The following EXPH5 variants were observed in gnomAD, a reference collection of about 807,000 sequenced individuals.
EXPH5 encodes the protein exophilin-5.
In EXPH5, 42 loss-of-function variants were observed where a neutral mutation model predicts 41.1. The ratio of observed to expected loss-of-function variants is 1.02; its 90% confidence interval spans 0.80 to 1.32. The LOEUF (loss-of-function observed/expected upper bound fraction) is 1.32. Among genes scored for constraint, EXPH5 ranks in the 40% most tolerant of loss-of-function variants. EXPH5 has a pLI of 0.00. For synonymous variants in EXPH5, 798 were observed against 833.5 expected (o/e 0.96, Z 0.73); for missense variants, 2,298 against 2,314.5 (o/e 0.99, Z 0.15).
upstream of EXPH5, among the ~76,000 whole-genome samples, chr11:108,594,155 G>T (rs576832759): frequency 6.6e-6 from 1 of 152,266 alleles, no homozygotes; most frequent in African/African-American, 2.4e-5. Context: ...AGACCAGGAA[G>T]AACTAAACTC....
chr11:108,601,694 TCTCC>T, the EXPH5 span, among the ~76,000 whole-genome samples: 1 of 152,102 alleles, frequency 6.6e-6, no homozygotes, highest in African/African-American at 2.4e-5. Flanking sequence ...CTTTCTTTTC[TCTCC>T]CTCCCTCCCT....
intron 1 of EXPH5, 117 bp from the exon 2 acceptor site, chr11:108,541,929 G>A (rs912446239): frequency 3.9e-6 from 3 of 776,496 alleles, no homozygotes; most frequent in Non-Finnish European, 5.9e-6. Flanking sequence ...CCAGGCTGGA[G>A]TGCAGTGGCA....
At position 108,513,391 on chromosome 11, in the gene EXPH5, A is replaced by G; in HGVS notation, c.2116T>C (p.Ser706Pro). 3 of 1,613,940 alleles carry G rather than the reference A, an allele frequency of 1.9e-6. No homozygotes were observed. Among genetic ancestry groups the G allele is most frequent in the Non-Finnish European group, 2.5e-6 (3 of 1,179,956 alleles). Residue 706 changes from serine (S) to proline (P), a missense_variant, in exon 6 of 6, where the codon TCT becomes CCT. Ser to Pro is a moderately conservative substitution (Grantham distance 74, BLOSUM62 -1). Coordinates refer to ENST00000265843, the MANE Select transcript of EXPH5 (RefSeq NM_015065.3). ...AGCTGTTTGTCTTCTTCTGAAATAG[A>G]TTCATTTAAGTCTTTCTCATTATTT... ...EVNNEKDLNE[S>P]ISEEDKQLSK...
rs754403186 is a variant in EXPH5 at position 108,509,674 on chromosome 11, C to A, written c.5833G>T (p.Val1945Leu). The change falls in exon 6 of 6, where the codon GTG (valine) becomes TTG (leucine). Residue 1945 changes from valine to leucine, a missense_variant. Transcript: ENST00000265843. ...SLSSNSPSSQ[V>L]PEDGLSPSEP... ...CTTGGAGATAAGCCATCTTCTGGCA[C>A]CTGACTACTGGGAGAATTTGAGCTT... The A allele has an allele frequency of 2.5e-6, 4 of 1,613,934 alleles. No individual in the cohort carries two copies. In the South Asian group the frequency reaches 3.3e-5, roughly 13 times the overall value.
At chr11:108,600,643 G>A in the EXPH5 span, among the ~76,000 whole-genome samples, 1 of 152,000 alleles carries the variant, frequency 6.6e-6, no homozygotes, top group Non-Finnish European at 1.5e-5. Flanking sequence ...ACCAATGAAG[G>A]CCTTCAGAAC....
At position 108,513,647 on chromosome 11, in the gene EXPH5, A is replaced by C; in HGVS notation, c.1860T>G (p.Ala620=). 2 of 1,611,982 alleles carry C rather than the reference A, an allele frequency of 1.2e-6. No individual in the cohort carries two copies. The highest frequency in any genetic ancestry group is 1.7e-6 in the Non-Finnish European group (2 of 1,179,242). Residue 620 remains alanine (A), a synonymous_variant, in exon 6 of 6, where the codon GCT becomes GCG. Coordinates refer to ENST00000265843, the MANE Select transcript of EXPH5 (RefSeq NM_015065.3). ...TTTTGAATGAGGATGCTAGAGTCTGAGCAATTCCAAATGAGGAAGCTTCTT... is the reference window on the plus strand; with the variant it reads ...TTTTGAATGAGGATGCTAGAGTCTGCGCAATTCCAAATGAGGAAGCTTCTT... ...INKEASSFGI[A]QTLASSFKTS...
intron 1 of EXPH5, among the ~76,000 whole-genome samples, chr11:108,573,186 AAGAAAGAAAGAAAAAG>A (rs1431200224): frequency 6.5e-5 from 9 of 138,818 alleles, no homozygotes; most frequent in Admixed American, 1.4e-4. Context: ...GAAAGAAAGA[AAGAAAGAAAGAAAAAG>A]AAAGAAAGAA....
intron 3 of EXPH5, among the ~76,000 whole-genome samples, chr11:108,532,356 ATATATATATATTTTTTTT>A (rs2093845782): frequency 5.0e-5 from 1 of 20,180 alleles, no homozygotes; most frequent in Non-Finnish European, 8.1e-5. Context: ...ATATATATAT[ATATATATATATTTTTTTT>A]TTTTTTTTTT....
the EXPH5 span, among the ~76,000 whole-genome samples, chr11:108,602,337 T>G: frequency 6.6e-6 from 1 of 152,242 alleles, no homozygotes; most frequent in African/African-American, 2.4e-5. Context: ...CCTCTCTATT[T>G]GAATTTCTCT....
At chr11:108,543,860 G>A (rs543708600) in intron 1 of EXPH5, among the ~76,000 whole-genome samples, 6 of 152,154 alleles carry the variant, frequency 3.9e-5, no homozygotes, top group Admixed American at 6.5e-5. Flanking sequence ...CCTCCGATGC[G>A]TGGTACTCCT....
chr11:108,518,369 G>C lies in EXPH5; in HGVS notation c.497C>G (p.Ala166Gly). Residue 166 changes from alanine to glycine, a missense_variant, in exon 5 of 6, where the codon GCA becomes GGA. Physicochemically the swap from Ala to Gly is moderately conservative, Grantham distance 60. Transcript: ENST00000265843. ...PMPVRGAAVQ[A>G]KIYNSPLENH... ...TTCCAGAGGTGAATTGTATATTTTT[G>C]CCTGCTAATTTTAAAGCAGAGAACA... 1 of 1,613,022 alleles carries C rather than the reference G, an allele frequency of 6.2e-7. No individual in the cohort carries two copies. The highest frequency in any genetic ancestry group is 8.5e-7 in the Non-Finnish European group (1 of 1,179,654).
intron 1 of EXPH5, among the ~76,000 whole-genome samples, chr11:108,588,830 T>A (rs1171297511): frequency 2.0e-5 from 3 of 152,196 alleles, no homozygotes; most frequent in Non-Finnish European, 4.4e-5. Flanking sequence ...TATGGAACGA[T>A]ATTATTATAG....
At chr11:108,527,921 T>C (rs909939532) in intron 4 of EXPH5, among the ~76,000 whole-genome samples, 1 of 152,308 alleles carries the variant, frequency 6.6e-6, no homozygotes, top group Admixed American at 6.5e-5. Flanking sequence ...AGTGGAAACA[T>C]GATGGCCTCA....
upstream of EXPH5, among the ~76,000 whole-genome samples, chr11:108,593,973 G>C (rs2094134939): frequency 6.6e-6 from 1 of 152,124 alleles, no homozygotes; most frequent in Non-Finnish European, 1.5e-5. Context: ...CTAAGTGTTG[G>C]CGCCAAAGTA....
chr11:108,598,876 G>T, the EXPH5 span, among the ~76,000 whole-genome samples: 1 of 152,202 alleles, frequency 6.6e-6, no homozygotes, highest in Non-Finnish European at 1.5e-5. Context: ...ACGTGGGCTT[G>T]GAGTCAGTAT....
chr11:108,552,740 G>A (rs12278754), intron 1 of EXPH5, among the ~76,000 whole-genome samples: 7,246 of 152,150 alleles, frequency 0.048, 539 homozygotes, highest in African/African-American at 0.16. Flanking sequence ...CTGAGACTCC[G>A]TCTCTACAAA....
chr11:108,544,029 A>G (rs1421734847), intron 1 of EXPH5, among the ~76,000 whole-genome samples: 7 of 152,152 alleles, frequency 4.6e-5, no homozygotes, highest in Admixed American at 4.6e-4. Context: ...GCTAATTGTC[A>G]GTTCCCCAAA....
chr11:108,523,374 T>A (rs1391493130), intron 4 of EXPH5, among the ~76,000 whole-genome samples: 3 of 152,200 alleles, frequency 2.0e-5, no homozygotes, highest in Non-Finnish European at 4.4e-5. Flanking sequence ...CACTGGCTAC[T>A]CATACTCATA....
chr11:108,524,891 A>G (rs1272489619), intron 4 of EXPH5, among the ~76,000 whole-genome samples: 6 of 152,180 alleles, frequency 3.9e-5, no homozygotes, highest in Non-Finnish European at 8.8e-5. Context: ...GTGGGGATAC[A>G]CAGCCTGATA....
Sources: gnomAD v4.1 joint callset for allele counts (sites outside exome capture counted in the v4.1 genomes callset) on GRCh38, gnomAD v4.1.1 for gene constraint, MANE v1.5 for transcripts, NCBI Gene and HGNC (gene_info 2026-07-23, HGNC 2026-07-21) for gene names.